SEPTIN14: variants seen among roughly 807,000 people sequenced by gnomAD.
SEPTIN14 encodes septin-14.
Under a neutral mutation model 53.6 loss-of-function variants are expected in SEPTIN14, and 40 were observed. That is an observed-to-expected ratio of 0.75 (90% CI 0.58 to 0.97). The LOEUF is 0.97. SEPTIN14 is among the 50% of genes least tolerant of loss of function. The pLI is 0.00. For missense variants in SEPTIN14, 471 were observed against 508.2 expected (o/e 0.93, Z 0.70); for synonymous variants, 138 against 166.8 (o/e 0.83, Z 1.33).
intron 5 of SEPTIN14, among the ~76,000 whole-genome samples, chr7:55,834,862 G>T (rs1789175934): frequency 6.6e-6 from 1 of 151,824 alleles, no homozygotes; most frequent in South Asian, 2.1e-4. Context: ...AGCCAGGATG[G>T]TCTCAATCTC....
At chr7:55,829,925 T>G (rs965022405) in intron 6 of SEPTIN14, among the ~76,000 whole-genome samples, 1 of 148,472 alleles carries the variant, frequency 6.7e-6, no homozygotes, top group Middle Eastern at 3.5e-3. Context: ...ACGCCTGTAA[T>G]CCCAGCACTT....
At chr7:55,860,038 G>C (rs1320753787) in intron 2 of SEPTIN14, among the ~76,000 whole-genome samples, 1 of 151,968 alleles carries the variant, frequency 6.6e-6, no homozygotes, top group African/African-American at 2.4e-5. Context: ...AATTATCCAG[G>C]CATGGTGGCG....
Position 55,794,702 on chromosome 7 carries a change from G to C in SEPTIN14, c.*1211C>G, listed in dbSNP as rs559708522. 1 of 152,290 alleles carries C rather than the reference G, an allele frequency of 6.6e-6. No individual in the cohort carries two copies. Among genetic ancestry groups the C allele is most frequent in the Admixed American group, 6.5e-5 (1 of 15,274 alleles). 9.4% of individuals were successfully genotyped at this position (152,290 alleles called of 1,614,324 possible). A position where few individuals can be genotyped will look rare whatever the true frequency, so the allele number is the denominator to read the frequency against. On this transcript the variant is annotated 3_prime_UTR_variant, in exon 10 of 10. Coordinates refer to ENST00000388975, the MANE Select transcript of SEPTIN14 (RefSeq NM_207366.3). ...TCAGCGCTCTGTCACCCAGGCTGGA[G>C]TGCAGTGGCGCAATCTCTGCTCACT...
At chr7:55,853,602 G>A (rs141511087) in intron 2 of SEPTIN14, among the ~76,000 whole-genome samples, 26 of 152,296 alleles carry the variant, frequency 1.7e-4, no homozygotes, top group African/African-American at 6.3e-4. Flanking sequence ...ATAGGGCCCA[G>A]TATTTGGTAG....
At chr7:55,842,909 A>G (rs1204768936) in intron 5 of SEPTIN14, 33 bp downstream of exon 5, 18 of 1,328,926 alleles carry the variant, frequency 1.4e-5, no homozygotes, top group Non-Finnish European at 1.8e-5. Context: ...CTCCGTCTCA[A>G]AAAAAAAAAG....
Position 55,795,809 on chromosome 7 carries a change from G to T in SEPTIN14, c.*104C>A. ...GTTGGGGAAAATATACAATAAGCAAGCCAATTTTTAAAATGAGAACTTCAG... is the reference window on the plus strand; with the variant it reads ...GTTGGGGAAAATATACAATAAGCAATCCAATTTTTAAAATGAGAACTTCAG... On this transcript the variant is annotated 3_prime_UTR_variant, in exon 10 of 10. Transcript: ENST00000388975. 1 of 899,418 alleles carries T rather than the reference G, an allele frequency of 1.1e-6. No individual in the cohort carries two copies. The highest frequency in any genetic ancestry group is 1.7e-6 in the Non-Finnish European group (1 of 571,938). 55.7% of individuals were successfully genotyped at this position (899,418 alleles called of 1,614,324 possible).
rs202157028 is a variant in SEPTIN14, at chr7:55,843,041, G to T, written c.459C>A (p.Tyr153Ter). The part of the protein sequence containing the change: ...ELKIKRSLFE[Y>*]HDSRVHVCLY... ...GACACACGTGGACGCGAGAATCATGGTACTCAAACAAGGAACGTTTAATCT... is the reference window on the plus strand; with the variant it reads ...GACACACGTGGACGCGAGAATCATGTTACTCAAACAAGGAACGTTTAATCT... The change falls in exon 5 of 10, where the codon TAC becomes TAA. Residue 153 changes from tyrosine (Y) to a stop codon, truncating the protein, a stop_gained. Transcript: ENST00000388975. LOFTEE classifies it high-confidence loss of function. 6.2e-7 allele frequency: 1 copy of T among 1,603,034 alleles called. No homozygotes were observed.
At chr7:55,836,918 AT>A (rs1188384016) in intron 5 of SEPTIN14, among the ~76,000 whole-genome samples, 1 of 152,142 alleles carries the variant, frequency 6.6e-6, no homozygotes, top group Non-Finnish European at 1.5e-5. Context: ...AAAAGTTGAG[AT>A]TCCTCGGATA....
intron 3 of SEPTIN14, among the ~76,000 whole-genome samples, chr7:55,846,050 G>GA (rs1271910282): frequency 0.017 from 798 of 46,284 alleles, 38 homozygotes; most frequent in African/African-American, 0.04. Flanking sequence ...CTCCGTCTCA[G>GA]AAAAAAAAAA....
At chr7:55,833,783 C>A (rs1213634834) in intron 6 of SEPTIN14, among the ~76,000 whole-genome samples, 3 of 151,792 alleles carry the variant, frequency 2.0e-5, no homozygotes, top group African/African-American at 7.3e-5. Context: ...AAATCAAAGC[C>A]CTTACTTAGA....
At chr7:55,837,730 G>C (rs973652092) in intron 5 of SEPTIN14, among the ~76,000 whole-genome samples, 1 of 152,118 alleles carries the variant, frequency 6.6e-6, no homozygotes, top group Non-Finnish European at 1.5e-5. Flanking sequence ...TTACAGGCAT[G>C]TGCCACCACG....
chr7:55,846,376 A>T, intron 3 of SEPTIN14, 141 bp downstream of exon 3: 1 of 625,660 alleles, frequency 1.6e-6, no homozygotes, highest in Non-Finnish European at 2.6e-6. Flanking sequence ...AAAGGATTAC[A>T]TAATATGGCT....
intron 9 of SEPTIN14, among the ~76,000 whole-genome samples, chr7:55,802,102 T>C (rs1788530040): frequency 6.6e-6 from 1 of 151,556 alleles, no homozygotes; most frequent in Non-Finnish European, 1.5e-5. Context: ...CCTCCTGGGT[T>C]CAAGCGATTC....
chr7:55,798,173 G>A, intron 9 of SEPTIN14: 1 of 216,320 alleles, frequency 4.6e-6, no homozygotes. Flanking sequence ...ACCCCTCCCT[G>A]CAGCCACGCA....
At chr7:55,818,417 A>C (rs1187605432) in intron 7 of SEPTIN14, among the ~76,000 whole-genome samples, 1 of 146,682 alleles carries the variant, frequency 6.8e-6, no homozygotes, top group African/African-American at 2.6e-5. Context: ...GGTTGCAGTG[A>C]GCCAAGATCA....
chr7:55,825,550 C>T (rs980611825), intron 6 of SEPTIN14, among the ~76,000 whole-genome samples: 1 of 152,156 alleles, frequency 6.6e-6, no homozygotes, highest in Non-Finnish European at 1.5e-5. Context: ...ATGCACCACA[C>T]TTAATGCAGG....
At chr7:55,844,452 G>C in intron 4 of SEPTIN14, 71 bp downstream of exon 4, 1 of 748,988 alleles carries the variant, frequency 1.3e-6, no homozygotes. Flanking sequence ...ACACAAATTA[G>C]TCTATGGCAA....
At chr7:55,807,067 G>A in intron 8 of SEPTIN14, 23 bp downstream of exon 8, 1 of 1,542,934 alleles carries the variant, frequency 6.5e-7, no homozygotes. Flanking sequence ...CCATTTGGTT[G>A]TGCTAGCAAT....
At chr7:55,804,799 C>A (rs1286933048) in intron 9 of SEPTIN14, among the ~76,000 whole-genome samples, 1 of 152,098 alleles carries the variant, frequency 6.6e-6, no homozygotes, top group Non-Finnish European at 1.5e-5. Context: ...TAGCTTTTTT[C>A]CCCATTTTAT....
Sources: allele counts gnomAD v4.1 joint callset (sites outside exome capture counted in the v4.1 genomes callset), GRCh38; gene constraint gnomAD v4.1.1; transcripts MANE v1.5; gene names NCBI Gene and HGNC (gene_info 2026-07-23, HGNC 2026-07-21).